The following SUGCT variants were observed in gnomAD, a reference collection of about 807,000 sequenced individuals.
SUGCT encodes succinyl-CoA:glutarate CoA-transferase.
Under a neutral mutation model 55.0 loss-of-function variants are expected in SUGCT, and 41 were observed. That is an observed-to-expected ratio of 0.74 (90% CI 0.58 to 0.97). The LOEUF (loss-of-function observed/expected upper bound fraction) is 0.97. SUGCT is among the 50% of genes least tolerant of loss of function. SUGCT has a pLI of 0.00. For missense variants in SUGCT, 568 were observed against 547.8 expected (o/e 1.04, Z -0.37); for synonymous variants, 187 against 200.4 (o/e 0.93, Z 0.56).
chr7:40,547,361 G>A (rs1023606182), intron 12 of SUGCT, among the ~76,000 whole-genome samples: 1 of 152,110 alleles, frequency 6.6e-6, no homozygotes, highest in Non-Finnish European at 1.5e-5. Context: ...CAAATGTCTG[G>A]GCACCCTGTG....
intron 9 of SUGCT, among the ~76,000 whole-genome samples, chr7:40,373,802 G>A (rs946475038): frequency 2.6e-5 from 4 of 152,054 alleles, no homozygotes; most frequent in African/African-American, 9.7e-5. Flanking sequence ...ATAAAAATGA[G>A]TCAATAACAG....
chr7:40,142,619 C>T (rs1788046615), intron 1 of SUGCT, among the ~76,000 whole-genome samples: 1 of 152,216 alleles, frequency 6.6e-6, no homozygotes, highest in South Asian at 2.1e-4. Flanking sequence ...TACTGAACCA[C>T]TTTTCTAGCC....
At chr7:40,687,070 T>C (rs1784500283) in intron 12 of SUGCT, among the ~76,000 whole-genome samples, 1 of 152,194 alleles carries the variant, frequency 6.6e-6, no homozygotes, top group Non-Finnish European at 1.5e-5. Flanking sequence ...CTAAGTTGAT[T>C]ACTGCTTATC....
the SUGCT span, among the ~76,000 whole-genome samples, chr7:41,006,945 GA>G: frequency 1.3e-5 from 2 of 152,164 alleles, no homozygotes; most frequent in Non-Finnish European, 2.9e-5. Flanking sequence ...TAAGTTACAT[GA>G]TTATCCACTG....
intron 1 of SUGCT, among the ~76,000 whole-genome samples, chr7:40,179,678 C>T (rs968589967): frequency 6.6e-6 from 1 of 152,230 alleles, no homozygotes; most frequent in Non-Finnish European, 1.5e-5. Flanking sequence ...AAGATGGCTT[C>T]ATCCAGATGT....
chr7:40,941,345 A>G, the SUGCT span, among the ~76,000 whole-genome samples: 1 of 152,058 alleles, frequency 6.6e-6, no homozygotes, highest in Non-Finnish European at 1.5e-5. Context: ...AAAATCACTC[A>G]GGGGCAAATT....
At chr7:40,355,900 A>G (rs1177070219) in intron 9 of SUGCT, among the ~76,000 whole-genome samples, 1 of 152,224 alleles carries the variant, frequency 6.6e-6, no homozygotes, top group Non-Finnish European at 1.5e-5. Context: ...TAAATTGAGC[A>G]TGTTCATTGC....
rs182062799 is a variant in SUGCT, at chr7:40,564,333, G to A, written c.1089+67947G>A. ...GGAGTTTGCAGTGAGCCGAGATCGC[G>A]CCACTGCACTCCAGCCTGGGCGACC... On this transcript the variant is annotated intron_variant, in intron 12 of 13. Transcript: ENST00000335693. Among the ~76,000 whole-genome samples the A allele has an allele frequency of 8.3e-4, 126 of 152,254 alleles. 1 individual carries two copies. Among genetic ancestry groups the A allele is most frequent in the African/African-American group, 2.8e-3 (116 of 41,550 alleles).
chr7:40,204,064 C>T (rs928985038), intron 6 of SUGCT, among the ~76,000 whole-genome samples: 3 of 151,832 alleles, frequency 2.0e-5, no homozygotes, highest in Non-Finnish European at 4.4e-5. Context: ...TCATAGCTCA[C>T]TACAGCTTTG....
At chr7:40,514,011 C>T (rs1025814184) in intron 12 of SUGCT, among the ~76,000 whole-genome samples, 4 of 151,820 alleles carry the variant, frequency 2.6e-5, no homozygotes, top group African/African-American at 4.8e-5. Flanking sequence ...AGGATGGTCT[C>T]GATCTCCTGA....
chr7:40,927,337 T>C, the SUGCT span, among the ~76,000 whole-genome samples: 1 of 152,182 alleles, frequency 6.6e-6, no homozygotes, highest in African/African-American at 2.4e-5. Context: ...TGTCTTGCCT[T>C]GCTCTTGTGT....
In SUGCT at chr7:40,242,933, A is replaced by ATT. The variant is rs70996894; in HGVS notation, c.576+5235_576+5236dup. 3.3e-3 allele frequency among the ~76,000 whole-genome samples: 57 copies of ATT among 17,222 alleles called. 3 individuals are homozygous for ATT. The highest frequency in any genetic ancestry group is 7.5e-3 in the East Asian group (2 of 266). The allele number at this position is 17,222 out of a possible 152,430, so 11.3% of individuals were successfully genotyped here. On this transcript the variant is annotated intron_variant, in intron 7 of 13. Transcript: ENST00000335693. ...TATATATATATATATATATATATAT[A>ATT]TTTTTTTTTTTTTTTTTTTTTTTTT...
the SUGCT span, among the ~76,000 whole-genome samples, chr7:40,987,853 C>A: frequency 2.0e-5 from 3 of 152,068 alleles, no homozygotes; most frequent in Admixed American, 6.6e-5. Context: ...CACAGAGAGG[C>A]CAATGAAAAT....
At chr7:40,228,000 A>G (rs1190465044) in intron 6 of SUGCT, among the ~76,000 whole-genome samples, 1 of 152,062 alleles carries the variant, frequency 6.6e-6, no homozygotes, top group Non-Finnish European at 1.5e-5. Context: ...CTCCTGCCTC[A>G]GCCTCCCAAA....
chr7:40,907,138 TGTGA>T, the SUGCT span, among the ~76,000 whole-genome samples: 1,142 of 35,212 alleles, frequency 0.032, 10 homozygotes, highest in African/African-American at 0.095. Flanking sequence ...TGTGTGTGTG[TGTGA>T]GAGAGAGAGA....
intron 7 of SUGCT, among the ~76,000 whole-genome samples, chr7:40,249,319 A>ATCTATATATATATATCTATATATATATC (rs1562612016): frequency 2.5e-5 from 1 of 39,762 alleles, no homozygotes; most frequent in South Asian, 9.0e-4. Context: ...AAAGCTATAT[A>ATCTATATATATATATCTATATATATATC]TATATATATA....
At chr7:40,702,126 C>G (rs1288551679) in intron 12 of SUGCT, among the ~76,000 whole-genome samples, 3 of 152,320 alleles carry the variant, frequency 2.0e-5, no homozygotes, top group Middle Eastern at 6.8e-3. Flanking sequence ...CACCAAAAAC[C>G]TGAACTCTGC....
chr7:40,577,888 A>G (rs1392801655), intron 12 of SUGCT, among the ~76,000 whole-genome samples: 1 of 152,214 alleles, frequency 6.6e-6, no homozygotes, highest in Admixed American at 6.5e-5. Context: ...GCTTGAGCAA[A>G]ATATGCCTTT....
At chr7:40,991,500 C>T in the SUGCT span, among the ~76,000 whole-genome samples, 1 of 152,078 alleles carries the variant, frequency 6.6e-6, no homozygotes, top group Admixed American at 6.5e-5. Context: ...TTGTTGGATA[C>T]AGAGTTGCCA....
Sources: gnomAD v4.1 joint callset for allele counts (sites outside exome capture counted in the v4.1 genomes callset) on GRCh38, gnomAD v4.1.1 for gene constraint, MANE v1.5 for transcripts, NCBI Gene and HGNC (gene_info 2026-07-23, HGNC 2026-07-21) for gene names.